Variants in PALS2 observed in about 807,000 individuals in gnomAD.
The protein encoded by PALS2 is protein associated with LIN7 2, MAGUK p55 family member, also known as protein PALS2.
PALS2 carries 27 observed loss-of-function variants against 61.6 expected under a neutral mutation model. The observed-to-expected ratio is 0.44, with a 90% confidence interval of 0.32 to 0.60. The LOEUF is 0.60. Among genes scored for constraint, PALS2 ranks in the 20% least tolerant of loss-of-function variants. PALS2 has a pLI of 0.05. For synonymous variants in PALS2, 236 were observed against 218.6 expected (o/e 1.08, Z -0.70); for missense variants, 554 against 639.4 (o/e 0.87, Z 1.44).
chr7:24,608,804 G>A (rs1784016369), intron 1 of PALS2, among the ~76,000 whole-genome samples: 1 of 151,962 alleles, frequency 6.6e-6, no homozygotes, highest in Non-Finnish European at 1.5e-5. Context: ...GTAGAGATGA[G>A]GTCTTTCTCT....
At chr7:24,666,771 A>C (rs1215854756) in intron 8 of PALS2, 1 of 152,096 alleles carries the variant, frequency 6.6e-6, no homozygotes, top group Non-Finnish European at 1.5e-5. Flanking sequence ...GTAAAATAAG[A>C]CCCCAGACCT....
intron 1 of PALS2, chr7:24,620,130 A>T (rs1784440315): frequency 6.6e-6 from 1 of 152,244 alleles, no homozygotes; most frequent in Non-Finnish European, 1.5e-5. Flanking sequence ...ATTTGGTAAC[A>T]AAGGACAGCC....
chr7:24,635,521 C>T (rs955121762), intron 2 of PALS2, among the ~76,000 whole-genome samples: 4 of 151,976 alleles, frequency 2.6e-5, no homozygotes, highest in African/African-American at 9.7e-5. Context: ...TTCTTTTTAA[C>T]CTGAATGGCT....
At chr7:24,585,337 G>C (rs762759220) in intron 1 of PALS2, among the ~76,000 whole-genome samples, 3 of 151,872 alleles carry the variant, frequency 2.0e-5, no homozygotes, top group Non-Finnish European at 2.9e-5. Flanking sequence ...CTTTTATTTC[G>C]TTGAGCAGTG....
At chr7:24,584,254 T>G (rs1231905087) in intron 1 of PALS2, among the ~76,000 whole-genome samples, 14 of 117,378 alleles carry the variant, frequency 1.2e-4, no homozygotes, top group African/African-American at 4.0e-4. Flanking sequence ...TCCACAATGG[T>G]TGAACTAGTT....
At chr7:24,577,747 C>A (rs368912967) in intron 1 of PALS2, among the ~76,000 whole-genome samples, 14 of 152,098 alleles carry the variant, frequency 9.2e-5, no homozygotes, top group Non-Finnish European at 1.6e-4. Flanking sequence ...CAAATATCAT[C>A]TTTTCAGACA....
At chr7:24,602,600 G>A (rs966301540) in intron 1 of PALS2, among the ~76,000 whole-genome samples, 2 of 152,164 alleles carry the variant, frequency 1.3e-5, no homozygotes, top group African/African-American at 4.8e-5. Flanking sequence ...AGAATCAGGT[G>A]GAGGGGTTTG....
At chr7:24,682,563 C>A (rs1188405633) in intron 11 of PALS2, among the ~76,000 whole-genome samples, 3 of 151,884 alleles carry the variant, frequency 2.0e-5, no homozygotes, top group East Asian at 3.8e-4. Flanking sequence ...ATAAGAGTCA[C>A]TTCATTTGTT....
chr7:24,635,094 A>T lies in PALS2; in HGVS notation c.118-6622A>T, dbSNP rs143849879. ...TAAGAATTTTAGAATCAGTTTGTCA[A>T]TTTCTATAAACATGTCACTTAGGAT... On this transcript the variant is annotated intron_variant, in intron 2 of 11. Coordinates refer to ENST00000222644, the MANE Select transcript of PALS2 (RefSeq NM_001303037.2). 4.0e-4 allele frequency among the ~76,000 whole-genome samples: 61 copies of T among 152,268 alleles called. 1 individual carries two copies. The highest frequency in any genetic ancestry group is 3.4e-3 in the Middle Eastern group (1 of 294).
chr7:24,670,221 C>T (rs1220454686), intron 9 of PALS2, among the ~76,000 whole-genome samples: 3 of 152,086 alleles, frequency 2.0e-5, no homozygotes, highest in Non-Finnish European at 2.9e-5. Flanking sequence ...CTTCTGTGAC[C>T]CAGGAATCTC....
chr7:24,681,815 T>G (rs1787951019), intron 11 of PALS2, among the ~76,000 whole-genome samples: 1 of 152,120 alleles, frequency 6.6e-6, no homozygotes, highest in Non-Finnish European at 1.5e-5. Flanking sequence ...CACTGTCACC[T>G]TTTCCCCTCA....
At position 24,680,535 on chromosome 7, in the gene PALS2, C is replaced by T. The variant is rs921481032; in HGVS notation, c.1446+15C>T. On this transcript the variant is annotated intron_variant, in intron 11 of 11. Transcript: ENST00000222644. ...AGCTTCTGACCGTGAGCTAACCATA[C>T]GATTTTCCTTCTAAAATCTTTCCTT... 3.7e-6 allele frequency: 6 copies of T among 1,601,430 alleles called. No homozygotes were observed. The highest frequency in any genetic ancestry group is 3.4e-6 in the Non-Finnish European group (4 of 1,174,558).
At chr7:24,625,858 A>G (rs942101465) in intron 2 of PALS2, among the ~76,000 whole-genome samples, 5 of 152,136 alleles carry the variant, frequency 3.3e-5, no homozygotes, top group African/African-American at 1.2e-4. Flanking sequence ...GTATTCCTAT[A>G]ATATAGGTTA....
chr7:24,641,358 A>G (rs1785543252), intron 2 of PALS2, among the ~76,000 whole-genome samples: 1 of 152,090 alleles, frequency 6.6e-6, no homozygotes, highest in African/African-American at 2.4e-5. Context: ...AAATGTAACA[A>G]TAACATCTAG....
intron 1 of PALS2, among the ~76,000 whole-genome samples, chr7:24,585,494 A>G (rs1783028324): frequency 6.6e-6 from 1 of 152,176 alleles, no homozygotes; most frequent in African/African-American, 2.4e-5. Context: ...TGAGATTAAA[A>G]AAAAATGCTT....
intron 6 of PALS2, 46 bp downstream of exon 6, chr7:24,663,767 A>T: frequency 6.4e-7 from 1 of 1,552,028 alleles, no homozygotes; most frequent in Non-Finnish European, 8.8e-7. Flanking sequence ...TCTAATTTTA[A>T]TCTTAGATCT....
chr7:24,649,531 T>TA, intron 3 of PALS2, 81 bp from the exon 4 acceptor site: 2 of 1,319,434 alleles, frequency 1.5e-6, no homozygotes, highest in Non-Finnish European at 1.0e-6. Flanking sequence ...TCCATTGGAA[T>TA]AATGAAATAA....
At chr7:24,620,489 G>A (rs1002221222) in intron 1 of PALS2, among the ~76,000 whole-genome samples, 3 of 151,960 alleles carry the variant, frequency 2.0e-5, no homozygotes, top group Non-Finnish European at 2.9e-5. Context: ...AATTCCATAT[G>A]ATTAAGAGTC....
chr7:24,588,631 C>A (rs1783165137), intron 1 of PALS2, among the ~76,000 whole-genome samples: 1 of 152,110 alleles, frequency 6.6e-6, no homozygotes, highest in South Asian at 2.1e-4. Context: ...GAAAAACTAT[C>A]TTGGAGTTCT....
Sources: gnomAD v4.1 joint callset for allele counts (sites outside exome capture counted in the v4.1 genomes callset) on GRCh38, gnomAD v4.1.1 for gene constraint, MANE v1.5 for transcripts, NCBI Gene and HGNC (gene_info 2026-07-23, HGNC 2026-07-21) for gene names.